Variants in MYRIP observed in about 807,000 individuals in gnomAD.
MYRIP encodes the protein myosin VIIA and Rab interacting protein.
Under a neutral mutation model 98.0 loss-of-function variants are expected in MYRIP, and 49 were observed. The ratio of observed to expected loss-of-function variants is 0.50; its 90% CI spans 0.40 to 0.63. MYRIP has a LOEUF of 0.63. MYRIP is among the 30% of genes least tolerant of loss of function. MYRIP has a pLI of 0.00. For missense variants in MYRIP, 1,004 were observed against 1,058.2 expected (o/e 0.95, Z 0.71); for synonymous variants, 404 against 409.5 (o/e 0.99, Z 0.16).
intron 2 of MYRIP, among the ~76,000 whole-genome samples, chr3:39,912,940 C>T (rs576219628): frequency 7.3e-4 from 111 of 151,990 alleles, no homozygotes; most frequent in Middle Eastern, 3.4e-3. Flanking sequence ...CTCAGGAGGC[C>T]GAGACAGGAG....
Position 40,190,232 on chromosome 3 carries a change from G to A in MYRIP, c.1434G>A (p.Lys478=), listed in dbSNP as rs762755423. 1 of 1,614,088 alleles carries A rather than the reference G, an allele frequency of 6.2e-7. No homozygotes were observed. The highest frequency in any genetic ancestry group is 1.3e-5 in the African/African-American group (1 of 75,014). ...HQARLSWLQR[K]APRNPAAEKM... Reference sequence around the variant, plus strand: ...CCAGACTGTCCTGGTTGCAGAGGAAGGCCCCCAGGAACCCTGCAGCTGAGA... The same window carrying A: ...CCAGACTGTCCTGGTTGCAGAGGAAAGCCCCCAGGAACCCTGCAGCTGAGA... The change falls in exon 10 of 17, where the codon AAG becomes AAA. Residue 478 remains lysine, a synonymous_variant. Transcript: ENST00000302541.
At chr3:40,010,353 G>C (rs949656792) in intron 2 of MYRIP, among the ~76,000 whole-genome samples, 2 of 152,232 alleles carry the variant, frequency 1.3e-5, no homozygotes, top group African/African-American at 4.8e-5. Context: ...GTGCCTCCCA[G>C]TGCCTGGAAG....
intron 3 of MYRIP, among the ~76,000 whole-genome samples, chr3:40,069,578 GT>G (rs1263033468): frequency 6.6e-6 from 1 of 152,044 alleles, no homozygotes; most frequent in East Asian, 1.9e-4. Flanking sequence ...CCGTTAAATA[GT>G]AACTCCCTAT....
chr3:39,824,136 G>A, intron 1 of MYRIP, among the ~76,000 whole-genome samples: 1 of 152,030 alleles, frequency 6.6e-6, no homozygotes, highest in East Asian at 1.9e-4. Flanking sequence ...TGCTCTTGGT[G>A]CCTTTGTCAA....
intron 8 of MYRIP, among the ~76,000 whole-genome samples, chr3:40,177,631 T>G (rs1950794869): frequency 6.6e-6 from 1 of 152,234 alleles, no homozygotes; most frequent in Non-Finnish European, 1.5e-5. Flanking sequence ...GTGCGCTCTC[T>G]GCCAGTATGG....
chr3:40,061,569 G>A (rs960981526), intron 3 of MYRIP, among the ~76,000 whole-genome samples: 1 of 152,216 alleles, frequency 6.6e-6, no homozygotes, highest in African/African-American at 2.4e-5. Context: ...CTTTATGGTA[G>A]AATGATTTAT....
intron 8 of MYRIP, among the ~76,000 whole-genome samples, chr3:40,171,229 G>A (rs922890621): frequency 1.3e-5 from 2 of 152,028 alleles, no homozygotes; most frequent in Admixed American, 6.6e-5. Flanking sequence ...GAGGGGACAC[G>A]GGTAAGGCTG....
At chr3:40,024,154 A>T (rs12635750) in intron 2 of MYRIP, among the ~76,000 whole-genome samples, 12,999 of 152,156 alleles carry the variant, frequency 0.085, 891 homozygotes, top group African/African-American at 0.18. Flanking sequence ...TCTGTCAGCC[A>T]CCTTTATTCT....
chr3:40,228,383 T>C (rs1952550438), intron 11 of MYRIP, among the ~76,000 whole-genome samples: 1 of 152,178 alleles, frequency 6.6e-6, no homozygotes, highest in Non-Finnish European at 1.5e-5. Context: ...GATTCATTTT[T>C]TTCTTATAAT....
chr3:39,904,506 G>C (rs537564052), intron 2 of MYRIP, among the ~76,000 whole-genome samples: 79 of 152,256 alleles, frequency 5.2e-4, no homozygotes, highest in African/African-American at 1.8e-3. Context: ...AAAGTGCTGG[G>C]ATTACAGCCA....
At chr3:39,945,855 A>G (rs1002562420) in intron 2 of MYRIP, among the ~76,000 whole-genome samples, 2 of 152,144 alleles carry the variant, frequency 1.3e-5, no homozygotes. Flanking sequence ...TATAAAAAGT[A>G]CTAATATTCT....
intron 3 of MYRIP, among the ~76,000 whole-genome samples, chr3:40,084,543 A>C (rs202075113): frequency 0.19 from 2,345 of 12,578 alleles, 218 homozygotes; most frequent in Middle Eastern, 0.33. Context: ...TATGTATTAT[A>C]TATCGATAGA....
chr3:40,164,816 T>C (rs1288256664), intron 5 of MYRIP, among the ~76,000 whole-genome samples: 1 of 152,210 alleles, frequency 6.6e-6, no homozygotes, highest in East Asian at 1.9e-4. Flanking sequence ...AAAGCCTTCC[T>C]AGTTACAGCT....
At chr3:40,173,664 G>C (rs1257199650) in intron 8 of MYRIP, 1 of 152,258 alleles carries the variant, frequency 6.6e-6, no homozygotes, top group Non-Finnish European at 1.5e-5. Flanking sequence ...TCTCCCGCCT[G>C]GCTCATCAGC....
chr3:40,022,926 T>C lies in MYRIP; in HGVS notation c.111-21124T>C, dbSNP rs560396522. 1.1e-3 allele frequency among the ~76,000 whole-genome samples: 162 copies of C among 152,304 alleles called. 1 individual carries two copies. The highest frequency in any genetic ancestry group is 3.7e-3 in the African/African-American group (152 of 41,578). On this transcript the variant is annotated intron_variant, in intron 2 of 16. Transcript: ENST00000302541. Reference sequence around the variant, plus strand: ...TAAGATCGTGACCTGGAAAAGAGACTGGCAGTTACAGATCCTAGGCAAAAA... The same window carrying C: ...TAAGATCGTGACCTGGAAAAGAGACCGGCAGTTACAGATCCTAGGCAAAAA...
At chr3:40,112,220 G>T (rs1949172164) in intron 3 of MYRIP, among the ~76,000 whole-genome samples, 1 of 143,604 alleles carries the variant, frequency 7.0e-6, no homozygotes, top group Non-Finnish European at 1.5e-5. Context: ...GAATTCTACA[G>T]GAATAGAGAA....
At chr3:39,950,440 CAT>C (rs1371005829) in intron 2 of MYRIP, among the ~76,000 whole-genome samples, 1 of 152,094 alleles carries the variant, frequency 6.6e-6, no homozygotes, top group Non-Finnish European at 1.5e-5. Context: ...GTTTTAGAAA[CAT>C]ATGCTTTCCT....
intron 2 of MYRIP, among the ~76,000 whole-genome samples, chr3:39,974,787 A>G (rs372497414): frequency 1.3e-5 from 2 of 152,356 alleles, no homozygotes; most frequent in East Asian, 3.9e-4. Context: ...AAACAGAACC[A>G]ATGATAAAAA....
At chr3:39,880,956 A>G (rs1164332914) in intron 1 of MYRIP, among the ~76,000 whole-genome samples, 1 of 151,988 alleles carries the variant, frequency 6.6e-6, no homozygotes, top group Non-Finnish European at 1.5e-5. Context: ...GTCTCTTTCT[A>G]TATCTCTTTT....
Sources: gnomAD v4.1 joint callset for allele counts (sites outside exome capture counted in the v4.1 genomes callset) on GRCh38, gnomAD v4.1.1 for gene constraint, MANE v1.5 for transcripts, NCBI Gene and HGNC (gene_info 2026-07-23, HGNC 2026-07-21) for gene names.